Variants in CELF2 observed in about 807,000 individuals in gnomAD.
CELF2 encodes the protein CUG triplet repeat RNA-binding protein 2.
A neutral mutation model predicts 62.6 loss-of-function variants in CELF2; 8 were observed. That is an observed-to-expected ratio of 0.13 (90% CI 0.07 to 0.23). The LOEUF (loss-of-function observed/expected upper bound fraction) is 0.23, where lower values mean the gene tolerates loss of function less well. CELF2 is among the 10% of genes least tolerant of loss of function. The pLI, the probability that CELF2 is intolerant of heterozygous loss-of-function variation, is 1.00. For missense variants in CELF2, 333 were observed against 671.0 expected (o/e 0.50, Z 5.56); for synonymous variants, 258 against 250.0 (o/e 1.03, Z -0.30).
the CELF2 span, among the ~76,000 whole-genome samples, chr10:10,596,012 C>T: frequency 6.6e-6 from 1 of 152,228 alleles, no homozygotes; most frequent in Admixed American, 6.5e-5. Flanking sequence ...ACTACTGCTT[C>T]AATAAAGCTG....
At chr10:10,696,191 T>C in the CELF2 span, among the ~76,000 whole-genome samples, 2 of 152,104 alleles carry the variant, frequency 1.3e-5, no homozygotes, top group African/African-American at 4.8e-5. Context: ...GGTGTGGATG[T>C]CCTTTCTGTT....
At chr10:10,480,199 A>C in the CELF2 span, among the ~76,000 whole-genome samples, 1 of 152,222 alleles carries the variant, frequency 6.6e-6, no homozygotes, top group Non-Finnish European at 1.5e-5. Flanking sequence ...AATATAAAAC[A>C]GTAAAGAGCG....
chr10:11,173,302 A>G (rs1393404961), intron 2 of CELF2, among the ~76,000 whole-genome samples: 1 of 152,212 alleles, frequency 6.6e-6, no homozygotes, highest in African/African-American at 2.4e-5. Context: ...TGAAACTCAC[A>G]CACATTGCCT....
intron 1 of CELF2, among the ~76,000 whole-genome samples, chr10:11,150,569 C>T (rs1291278448): frequency 6.6e-6 from 1 of 152,202 alleles, no homozygotes; most frequent in Non-Finnish European, 1.5e-5. Flanking sequence ...GTTGAACCAA[C>T]AGTGGCTGCA....
chr10:10,775,983 T>C, the CELF2 span, among the ~76,000 whole-genome samples: 1 of 152,354 alleles, frequency 6.6e-6, no homozygotes, highest in African/African-American at 2.4e-5. Flanking sequence ...AAGCTGGGCC[T>C]GCCCAATGTG....
rs1002022597 is a variant in CELF2 at position 11,255,434 on chromosome 10, C to T, written c.404-2304C>T. 1.3e-5 allele frequency among the ~76,000 whole-genome samples: 2 copies of T among 152,188 alleles called. No homozygotes were observed. Among genetic ancestry groups the T allele is most frequent in the Non-Finnish European group, 1.5e-5 (1 of 68,034 alleles). On this transcript the variant is annotated intron_variant, in intron 4 of 12. Coordinates refer to ENST00000633077, the MANE Select transcript of CELF2 (RefSeq NM_001326342.2). The surrounding 1 kb of genome is among the most constrained non-coding windows in gnomAD (Gnocchi z 5.5). ...CACCCAAGCCAGGTCCCTACTGCCCCGCACTGTGCACCTTGCCTGGTTAGG... is the reference window on the plus strand; with the variant it reads ...CACCCAAGCCAGGTCCCTACTGCCCTGCACTGTGCACCTTGCCTGGTTAGG...
At chr10:11,169,824 T>C (rs1288582179) in intron 2 of CELF2, among the ~76,000 whole-genome samples, 1 of 152,124 alleles carries the variant, frequency 6.6e-6, no homozygotes, top group Non-Finnish European at 1.5e-5. Context: ...TAAATTGGGC[T>C]CAGTGAAGAC....
intron 3 of CELF2, among the ~76,000 whole-genome samples, chr10:11,238,200 A>G (rs2072288688): frequency 6.6e-6 from 1 of 152,214 alleles, no homozygotes. Context: ...ACTTAGTGAT[A>G]AGGGAAGATT....
At chr10:11,134,640 G>C (rs2060142642) in intron 1 of CELF2, among the ~76,000 whole-genome samples, 1 of 152,198 alleles carries the variant, frequency 6.6e-6, no homozygotes, top group Non-Finnish European at 1.5e-5. Flanking sequence ...GCACCTTGAA[G>C]GGTGCATCTG....
At chr10:10,919,816 A>G (rs2064716935) in intron 1 of CELF2, 5 of 465,770 alleles carry the variant, frequency 1.1e-5, no homozygotes, top group Non-Finnish European at 1.7e-5. Context: ...CAGAAATGCA[A>G]TTAATCAATT....
chr10:10,872,436 A>AT (rs904167183), intron 1 of CELF2, among the ~76,000 whole-genome samples: 8 of 152,184 alleles, frequency 5.3e-5, no homozygotes, highest in East Asian at 1.9e-4. Context: ...TGCTTTATGG[A>AT]TTTTTTTAAG....
At chr10:10,790,461 T>A in the CELF2 span, among the ~76,000 whole-genome samples, 5 of 152,176 alleles carry the variant, frequency 3.3e-5, no homozygotes, top group Non-Finnish European at 7.4e-5. Flanking sequence ...TGAAAAACCA[T>A]TGGTCCTTTT....
chr10:10,716,549 G>GA, the CELF2 span, among the ~76,000 whole-genome samples: 4 of 151,846 alleles, frequency 2.6e-5, no homozygotes, highest in South Asian at 2.1e-4. Context: ...TCAAAAAGGG[G>GA]AAAAAAAATC....
At chr10:10,902,484 C>T (rs544156441) in intron 1 of CELF2, among the ~76,000 whole-genome samples, 77 of 152,206 alleles carry the variant, frequency 5.1e-4, no homozygotes, top group Middle Eastern at 3.4e-3. Context: ...GAGTAAAAGA[C>T]GCCAGGCCAA....
intron 1 of CELF2, among the ~76,000 whole-genome samples, chr10:10,853,928 A>G (rs2059552088): frequency 6.6e-6 from 1 of 152,184 alleles, no homozygotes; most frequent in African/African-American, 2.4e-5. Flanking sequence ...ACGAAAGTCA[A>G]GGAGTGTGGT....
At chr10:10,729,079 A>G in the CELF2 span, among the ~76,000 whole-genome samples, 1 of 152,262 alleles carries the variant, frequency 6.6e-6, no homozygotes, top group East Asian at 1.9e-4. Flanking sequence ...ACAATAAAAT[A>G]TCAATGACAG....
At chr10:10,745,119 A>AT in the CELF2 span, among the ~76,000 whole-genome samples, 3 of 76,788 alleles carry the variant, frequency 3.9e-5, no homozygotes, top group Admixed American at 1.1e-4. Context: ...CACGTAAAAA[A>AT]AAAAAAAACA....
chr10:11,011,447 G>A lies in CELF2; in HGVS notation c.53+6007G>A, dbSNP rs1380307866. 1.4e-5 allele frequency among the ~76,000 whole-genome samples: 2 copies of A among 146,768 alleles called. No individual in the cohort carries two copies. The highest frequency in any genetic ancestry group is 3.0e-5 in the Non-Finnish European group (2 of 67,198). On this transcript the variant is annotated intron_variant, in intron 1 of 12. Coordinates refer to the CELF2 transcript ENST00000416382. The surrounding 1 kb of genome is among the most constrained non-coding windows in gnomAD (Gnocchi z 4.6). ...AGGGAAGGTGTCATTAGGACACCCT[G>A]AATTCATCTTTATTATTAAAAAAAA...
intron 3 of CELF2, among the ~76,000 whole-genome samples, chr10:11,231,000 T>C (rs2068446432): frequency 6.6e-6 from 1 of 152,214 alleles, no homozygotes; most frequent in Non-Finnish European, 1.5e-5. Context: ...TGAGAGACTT[T>C]TGCTGACAAA....
Sources: allele counts gnomAD v4.1 joint callset (sites outside exome capture counted in the v4.1 genomes callset), GRCh38; gene constraint gnomAD v4.1.1; non-coding constraint Gnocchi (gnomAD v3.1); transcripts MANE v1.5; gene names NCBI Gene and HGNC (gene_info 2026-07-23, HGNC 2026-07-21).